GABRB2: variants seen among roughly 807,000 people sequenced by gnomAD.
The protein encoded by GABRB2 is gamma-aminobutyric acid type A receptor subunit beta2.
A neutral mutation model predicts 54.7 loss-of-function variants in GABRB2; 16 were observed. The observed-to-expected ratio is 0.29, with a 90% CI of 0.20 to 0.44. The LOEUF is 0.44. Among genes scored for constraint, GABRB2 ranks in the 20% least tolerant of loss-of-function variants. GABRB2 has a pLI of 1.00. For synonymous variants in GABRB2, 244 were observed against 233.8 expected (o/e 1.04, Z -0.40); for missense variants, 355 against 644.0 (o/e 0.55, Z 4.86).
chr5:161,477,845 G>T (rs1370954224), intron 3 of GABRB2, among the ~76,000 whole-genome samples: 1 of 151,850 alleles, frequency 6.6e-6, no homozygotes, highest in Non-Finnish European at 1.5e-5. Flanking sequence ...AGGGTATAGG[G>T]CTTCAGTTTT....
chr5:161,296,027 CT>C (rs1757371922), intron 9 of GABRB2, among the ~76,000 whole-genome samples: 1 of 152,210 alleles, frequency 6.6e-6, no homozygotes, highest in Admixed American at 6.5e-5. Context: ...TTTGCAGCAA[CT>C]GATTCATTGA....
rs750160419 is a variant in GABRB2, at chr5:161,309,967, G to C, written c.1192-15539C>G. ...AAAAAAGTGGTACATATATACTCTGGAATACTATGCAGCTATAAAAAAGAA... is the reference window on the plus strand; with the variant it reads ...AAAAAAGTGGTACATATATACTCTGCAATACTATGCAGCTATAAAAAAGAA... On this transcript the variant is annotated intron_variant, in intron 9 of 9. Coordinates refer to ENST00000393959, the MANE Select transcript of GABRB2 (RefSeq NM_001371727.1). Among the ~76,000 whole-genome samples, 12 of 152,212 alleles carry C rather than the reference G, an allele frequency of 7.9e-5. No individual in the cohort carries two copies. In the South Asian group the frequency reaches 8.3e-4, roughly 11 times the overall value.
At chr5:161,357,487 G>C (rs1243791706) in intron 5 of GABRB2, among the ~76,000 whole-genome samples, 1 of 146,604 alleles carries the variant, frequency 6.8e-6, no homozygotes, top group African/African-American at 2.5e-5. Flanking sequence ...ATTTGAGTGA[G>C]AGTTTTCACT....
intron 9 of GABRB2, among the ~76,000 whole-genome samples, chr5:161,308,770 C>G (rs778000042): frequency 6.6e-6 from 1 of 152,150 alleles, no homozygotes. Context: ...GGAAAGGAAT[C>G]CTATTCAATA....
At chr5:161,471,567 C>T (rs1051435069) in intron 3 of GABRB2, among the ~76,000 whole-genome samples, 1 of 151,980 alleles carries the variant, frequency 6.6e-6, no homozygotes, top group Non-Finnish European at 1.5e-5. Context: ...ATGTGAAACA[C>T]AAATGCACAT....
intron 5 of GABRB2, among the ~76,000 whole-genome samples, chr5:161,401,050 C>G (rs188173674): frequency 6.6e-6 from 1 of 152,124 alleles, no homozygotes; most frequent in Non-Finnish European, 1.5e-5. Context: ...TACTGATTCA[C>G]GGGAAAGTCT....
At chr5:161,304,412 C>T (rs1014761141) in intron 9 of GABRB2, among the ~76,000 whole-genome samples, 2 of 152,158 alleles carry the variant, frequency 1.3e-5, no homozygotes, top group Admixed American at 6.5e-5. Context: ...GGCAAAAATC[C>T]CATAGTCTTG....
chr5:161,439,239 G>A (rs1757392896), intron 4 of GABRB2, among the ~76,000 whole-genome samples: 1 of 152,156 alleles, frequency 6.6e-6, no homozygotes, highest in African/African-American at 2.4e-5. Flanking sequence ...AGAGACAGTG[G>A]CGTGACATAT....
At chr5:161,459,218 A>G (rs1758050776) in intron 4 of GABRB2, 1 of 201,892 alleles carries the variant, frequency 5.0e-6, no homozygotes, top group African/African-American at 2.3e-5. Context: ...AAGCTTTCTC[A>G]TCATCAGAGG....
chr5:161,499,637 AC>A (rs1759366114), intron 3 of GABRB2, among the ~76,000 whole-genome samples: 1 of 152,338 alleles, frequency 6.6e-6, no homozygotes, highest in African/African-American at 2.4e-5. Flanking sequence ...CTAAAATACA[AC>A]AAAAATAATT....
chr5:161,542,394 G>A (rs912314717), intron 3 of GABRB2, among the ~76,000 whole-genome samples: 1 of 152,134 alleles, frequency 6.6e-6, no homozygotes, highest in Non-Finnish European at 1.5e-5. Flanking sequence ...AATAAAGCAA[G>A]CTAGAATAAA....
intron 3 of GABRB2, among the ~76,000 whole-genome samples, chr5:161,524,953 T>C (rs1483985053): frequency 6.6e-6 from 1 of 151,400 alleles, no homozygotes; most frequent in Non-Finnish European, 1.5e-5. Flanking sequence ...AGTAATAATA[T>C]ACAATTAAAT....
At chr5:161,541,458 T>A (rs915904453) in intron 3 of GABRB2, among the ~76,000 whole-genome samples, 1 of 152,236 alleles carries the variant, frequency 6.6e-6, no homozygotes, top group African/African-American at 2.4e-5. Flanking sequence ...CTTCTTCTGA[T>A]AGAAGACTCT....
chr5:161,473,068 T>C (rs1385296144), intron 3 of GABRB2, among the ~76,000 whole-genome samples: 1 of 151,964 alleles, frequency 6.6e-6, no homozygotes, highest in Non-Finnish European at 1.5e-5. Flanking sequence ...TCAAGCCTAA[T>C]TTTGAAAAAT....
chr5:161,450,535 A>G (rs191989193), intron 4 of GABRB2, among the ~76,000 whole-genome samples: 6 of 152,224 alleles, frequency 3.9e-5, no homozygotes, highest in African/African-American at 1.4e-4. Flanking sequence ...TTCTATCATC[A>G]GTCAGGCAAG....
intron 3 of GABRB2, among the ~76,000 whole-genome samples, chr5:161,520,752 GC>G (rs1220003554): frequency 6.6e-6 from 1 of 152,028 alleles, no homozygotes; most frequent in Non-Finnish European, 1.5e-5. Flanking sequence ...TGGTACTGTA[GC>G]TAATCCCAGA....
At chr5:161,385,947 GGTGTGTGTGTGTGTGT>G (rs70990781) in intron 5 of GABRB2, among the ~76,000 whole-genome samples, 18 of 93,410 alleles carry the variant, frequency 1.9e-4, no homozygotes, top group Middle Eastern at 0.011. Context: ...CCTATTGTCT[GGTGTGTGTGTGTGTGT>G]GTGTGTGTGT....
In GABRB2 at chr5:161,294,211, C is replaced by T. The variant is rs1561596707; in HGVS notation, c.1409G>A (p.Arg470His). ...VAQKKSRLRR[R>H]ASQLKITIPD... is the part of the protein sequence containing the mutation. ...GATGGTGATTTTCAGTTGGGAGGCG[C>T]GTCTCCTCAGGCGACTTTTCTTTTG... Residue 470 changes from arginine (R) to histidine (H), a missense_variant, in exon 10 of 10, where the codon CGC (arginine) becomes CAC (histidine). Transcript: ENST00000393959. 2.5e-6 allele frequency: 4 copies of T among 1,614,154 alleles called. No homozygotes were observed. The highest frequency in any genetic ancestry group is 2.2e-5 in the East Asian group (1 of 44,866).
intron 3 of GABRB2, among the ~76,000 whole-genome samples, chr5:161,472,341 A>C (rs1197907581): frequency 6.6e-6 from 1 of 151,520 alleles, no homozygotes; most frequent in Non-Finnish European, 1.5e-5. Context: ...CACCCATCTT[A>C]CTGCCAGTTT....
Sources: gnomAD v4.1 joint callset for allele counts (sites outside exome capture counted in the v4.1 genomes callset) on GRCh38, gnomAD v4.1.1 for gene constraint, MANE v1.5 for transcripts, NCBI Gene and HGNC (gene_info 2026-07-23, HGNC 2026-07-21) for gene names.